Variants in OPHN1 observed in about 807,000 individuals in gnomAD.
OPHN1 encodes the protein oligophrenin 1, also known as oligophrenin-1.
A neutral mutation model predicts 60.7 loss-of-function variants in OPHN1; 11 were observed. That is an observed-to-expected ratio of 0.18 (90% CI 0.11 to 0.30). The LOEUF (loss-of-function observed/expected upper bound fraction) is 0.30, where lower values mean the gene tolerates loss of function less well. Ranked by LOEUF, OPHN1 falls within the 10% of genes least tolerant of loss-of-function variation. The pLI, the probability that OPHN1 is intolerant of heterozygous loss-of-function variation, is 1.00. For synonymous variants in OPHN1, 226 were observed against 222.6 expected (o/e 1.02, Z -0.14); for missense variants, 449 against 611.0 (o/e 0.73, Z 2.80).
chrX:68,181,842 A>T (rs1311543473), intron 15 of OPHN1, among the ~76,000 whole-genome samples: 2 of 111,457 alleles, frequency 1.8e-5, no homozygotes, highest in African/African-American at 6.5e-5. Flanking sequence ...TAAATACATA[A>T]TAAATAAATT....
At chrX:68,194,846 T>C (rs2077503926) in intron 12 of OPHN1, among the ~76,000 whole-genome samples, 1 of 109,278 alleles carries the variant, frequency 9.2e-6, no homozygotes, top group African/African-American at 3.3e-5. Flanking sequence ...CGTGCACCTG[T>C]AATCCCAGCT....
chrX:68,355,407 G>A (rs1160118660), intron 2 of OPHN1, among the ~76,000 whole-genome samples: 3 of 112,123 alleles, frequency 2.7e-5, no homozygotes, highest in African/African-American at 9.7e-5. Flanking sequence ...GATCATTTGA[G>A]TTTCTGGCTG....
At chrX:68,199,206 G>A (rs1462940123) in intron 11 of OPHN1, among the ~76,000 whole-genome samples, 1 of 111,720 alleles carries the variant, frequency 9.0e-6, no homozygotes, top group Non-Finnish European at 1.9e-5. Context: ...ATACTGCTAA[G>A]AGCCTAAATT....
intron 2 of OPHN1, among the ~76,000 whole-genome samples, chrX:68,413,246 G>C (rs1306435649): frequency 1.8e-5 from 2 of 111,770 alleles, no homozygotes; most frequent in Non-Finnish European, 3.8e-5. Flanking sequence ...ACTTTCTAGA[G>C]ACAGAGGATG....
chrX:68,205,820 G>A (rs900379819), intron 10 of OPHN1, among the ~76,000 whole-genome samples: 5 of 111,975 alleles, frequency 4.5e-5, no homozygotes, highest in African/African-American at 1.6e-4. Context: ...TGTAAAGAGT[G>A]CAAATGCTTA....
chrX:68,372,547 TG>T (rs1233165235), intron 2 of OPHN1, among the ~76,000 whole-genome samples: 1 of 111,510 alleles, frequency 9.0e-6, no homozygotes, highest in Non-Finnish European at 1.9e-5. Context: ...TCATTCTTAT[TG>T]TAAGAATCAA....
chrX:68,137,948 A>G (rs1005480158), intron 15 of OPHN1, among the ~76,000 whole-genome samples: 14 of 111,540 alleles, frequency 1.3e-4, no homozygotes, highest in African/African-American at 4.6e-4. Flanking sequence ...TTTCACAGAG[A>G]AACTATTAAA....
intron 5 of OPHN1, among the ~76,000 whole-genome samples, chrX:68,244,687 T>A (rs1287357385): frequency 3.6e-5 from 4 of 112,489 alleles, no homozygotes; most frequent in African/African-American, 9.7e-5. Context: ...AAAAACACAT[T>A]TTTCCAATAT....
intron 6 of OPHN1, among the ~76,000 whole-genome samples, chrX:68,219,910 A>T (rs1171815909): frequency 1.1e-5 from 1 of 93,022 alleles, no homozygotes; most frequent in East Asian, 3.5e-4. Flanking sequence ...AGCTAGCAGA[A>T]GGCAAGAAAT....
rs1414663852 is a variant in OPHN1 at position 68,158,810 on chromosome X, T to A, written c.1276+34109A>T. On this transcript the variant is annotated intron_variant, in intron 15 of 24. Coordinates refer to ENST00000355520, the MANE Select transcript of OPHN1 (RefSeq NM_002547.3). The stretch of plus-strand genomic sequence containing the variant: ...GGTTACAAAAGCTCTATGGAGGCAA[T>A]CATGTTATAGAGGTCTGGAGCTCCT... 4.5e-5 allele frequency among the ~76,000 whole-genome samples: 5 copies of A among 111,844 alleles called. No individual in the cohort carries two copies. The Admixed American group carries it at 4.7e-4, about 11-fold the overall frequency.
At position 68,110,308 on chromosome X, in the gene OPHN1, T is replaced by A. The variant is rs150620161; in HGVS notation, c.1526+1546A>T. Among the ~76,000 whole-genome samples, 38 of 111,985 alleles carry A rather than the reference T, an allele frequency of 3.4e-4. No homozygotes were observed. In the East Asian group the frequency reaches 0.01, roughly 31 times the overall value. ...TCTATTTCTGTGATCTATTTGTTCATGTCTTCTTTTGATTTCAAGATTTTG... is the reference window on the plus strand; with the variant it reads ...TCTATTTCTGTGATCTATTTGTTCAAGTCTTCTTTTGATTTCAAGATTTTG... On this transcript the variant is annotated intron_variant, in intron 18 of 24. Transcript: ENST00000355520.
chrX:68,220,283 T>C (rs1159433289), intron 6 of OPHN1, among the ~76,000 whole-genome samples: 4 of 108,220 alleles, frequency 3.7e-5, no homozygotes, highest in Non-Finnish European at 7.7e-5. Flanking sequence ...ATTGTGGCAA[T>C]AATCAATAGC....
At chrX:68,348,402 G>T (rs777829315) in intron 2 of OPHN1, among the ~76,000 whole-genome samples, 1 of 111,097 alleles carries the variant, frequency 9.0e-6, no homozygotes, top group South Asian at 3.8e-4. Context: ...CACAGCCAGA[G>T]CAAGAAGACC....
chrX:68,333,688 GACACACAC>G (rs756801078), intron 2 of OPHN1, among the ~76,000 whole-genome samples: 8 of 104,305 alleles, frequency 7.7e-5, no homozygotes, highest in South Asian at 8.4e-4. Context: ...CACACACACA[GACACACAC>G]ACACACACAC....
intron 15 of OPHN1, among the ~76,000 whole-genome samples, chrX:68,164,876 C>T (rs959043018): frequency 8.9e-6 from 1 of 112,371 alleles, no homozygotes; most frequent in African/African-American, 3.2e-5. Context: ...TCTAACTACA[C>T]CTTCTAGACA....
intron 5 of OPHN1, among the ~76,000 whole-genome samples, chrX:68,254,463 G>A (rs1308280711): frequency 9.0e-6 from 1 of 111,185 alleles, no homozygotes; most frequent in Non-Finnish European, 1.9e-5. Context: ...GACAGTCACT[G>A]TTCATTGCCA....
At chrX:68,316,868 A>C (rs1303794781) in intron 2 of OPHN1, among the ~76,000 whole-genome samples, 1 of 112,155 alleles carries the variant, frequency 8.9e-6, no homozygotes, top group Admixed American at 9.5e-5. Context: ...TTAAGTGAGT[A>C]GAATGTGGAC....
At chrX:68,327,887 G>T (rs1228827482) in intron 2 of OPHN1, among the ~76,000 whole-genome samples, 21 of 102,903 alleles carry the variant, frequency 2.0e-4, no homozygotes, top group Non-Finnish European at 3.7e-4. Flanking sequence ...CGGACTGCAG[G>T]GGCGCAATCT....
chrX:68,101,536 T>C (rs2077058825), intron 18 of OPHN1, among the ~76,000 whole-genome samples: 1 of 112,426 alleles, frequency 8.9e-6, no homozygotes, highest in Non-Finnish European at 1.9e-5. Flanking sequence ...AGTATTCTAA[T>C]TGTGAATACA....
Sources: allele counts gnomAD v4.1 joint callset (sites outside exome capture counted in the v4.1 genomes callset), GRCh38; gene constraint gnomAD v4.1.1; transcripts MANE v1.5; gene names NCBI Gene and HGNC (gene_info 2026-07-23, HGNC 2026-07-21).